JAKMIP3: variants seen among roughly 807,000 people sequenced by gnomAD.
JAKMIP3 encodes janus kinase and microtubule-interacting protein 3.
In JAKMIP3, 58 loss-of-function variants were observed where a neutral mutation model predicts 118.5. The observed-to-expected ratio is 0.49, with a 90% CI of 0.40 to 0.61. The LOEUF (loss-of-function observed/expected upper bound fraction) is 0.61. Among genes scored for constraint, JAKMIP3 ranks in the 20% least tolerant of loss-of-function variants. JAKMIP3 has a pLI of 0.00. For synonymous variants in JAKMIP3, 486 were observed against 451.2 expected, an observed-to-expected ratio of 1.08 and a Z score of -0.98; for missense variants, 950 against 1,109.0, an observed-to-expected ratio of 0.86 and a Z score of 2.04.
At chr10:132,133,924 G>A (rs1337218246) in intron 4 of JAKMIP3, among the ~76,000 whole-genome samples, 1 of 152,236 alleles carries the variant, frequency 6.6e-6, no homozygotes, top group Non-Finnish European at 1.5e-5. Flanking sequence ...GGCCCGGGAA[G>A]GCTGGTGCAC....
chr10:132,099,434 T>C (rs560946115), intron 1 of JAKMIP3, among the ~76,000 whole-genome samples: 1 of 152,290 alleles, frequency 6.6e-6, no homozygotes, highest in South Asian at 2.1e-4. Flanking sequence ...AAATAAAAGA[T>C]AGGCAATCTG....
At chr10:132,104,607 A>T in intron 1 of JAKMIP3, 65 bp from the exon 2 acceptor site, 4 of 595,326 alleles carry the variant, frequency 6.7e-6, no homozygotes, top group Non-Finnish European at 1.2e-5. Context: ...CCGGCACACA[A>T]GCCCCTGAGC....
chr10:132,175,708 C>A (rs2136998460), intron 23 of JAKMIP3, among the ~76,000 whole-genome samples: 1 of 152,316 alleles, frequency 6.6e-6, no homozygotes, highest in South Asian at 2.1e-4. Flanking sequence ...CGCCTCCATG[C>A]TGCTGCTGGA....
chr10:132,082,573 G>A (rs983744700), intron 1 of JAKMIP3, among the ~76,000 whole-genome samples: 2 of 151,906 alleles, frequency 1.3e-5, no homozygotes, highest in African/African-American at 2.4e-5. Flanking sequence ...CCTTTTTATG[G>A]CTGAGTAGTA....
chr10:132,062,547 C>T (rs999008879), upstream of JAKMIP3, among the ~76,000 whole-genome samples: 3 of 152,236 alleles, frequency 2.0e-5, no homozygotes, highest in South Asian at 2.1e-4. Context: ...AAGATCTACA[C>T]GCACCAGTGC....
At chr10:132,139,796 G>A (rs1206711101) in intron 9 of JAKMIP3, among the ~76,000 whole-genome samples, 1 of 152,164 alleles carries the variant, frequency 6.6e-6, no homozygotes, top group Non-Finnish European at 1.5e-5. Context: ...AGTTTTGCTG[G>A]AAGGTTCTGG....
At chr10:132,097,398 G>C (rs1312722602) in intron 1 of JAKMIP3, among the ~76,000 whole-genome samples, 1 of 152,116 alleles carries the variant, frequency 6.6e-6, no homozygotes, top group South Asian at 2.1e-4. Flanking sequence ...GTTGAGCTGT[G>C]GGTGCCCATG....
intron 13 of JAKMIP3, among the ~76,000 whole-genome samples, chr10:132,147,645 T>G (rs1320273086): frequency 2.6e-5 from 4 of 152,172 alleles, no homozygotes; most frequent in Middle Eastern, 3.4e-3. Flanking sequence ...CGTTTATCCT[T>G]GACGGCCTCC....
chr10:132,137,378 AC>A, intron 8 of JAKMIP3, 89 bp downstream of exon 8: 1 of 1,526,650 alleles, frequency 6.6e-7, no homozygotes, highest in Non-Finnish European at 9.0e-7. Context: ...CTCCTCACAG[AC>A]CAGACAGAAG....
intron 21 of JAKMIP3, among the ~76,000 whole-genome samples, chr10:132,165,818 G>T (rs1401897276): frequency 6.6e-6 from 1 of 152,218 alleles, no homozygotes; most frequent in African/African-American, 2.4e-5. Context: ...TCATCCTGAG[G>T]AACGAGTTAC....
At position 132,133,422 on chromosome 10, in the gene JAKMIP3, G is replaced by T. The variant is rs763639941; in HGVS notation, c.744G>T (p.Glu248Asp). 3.1e-6 allele frequency: 5 copies of T among 1,594,290 alleles called. No homozygotes were observed. The highest frequency in any genetic ancestry group is 4.3e-6 in the Non-Finnish European group (5 of 1,170,832). Residue 248 changes from glutamate (E) to aspartate (D), a missense_variant, in exon 4 of 24, where the codon GAG becomes GAT. Transcript: ENST00000684848. ...RLQLQKEALDEQLSQVREADR... is the reference protein window; with the variant it reads ...RLQLQKEALDDQLSQVREADR... ...AGCTCCAAAAAGAGGCTCTAGATGA[G>T]CAGCTGTCCCAGGTCCGAGAGGCCG... is the stretch of plus-strand genomic sequence containing the variant.
rs117391524 is a variant in JAKMIP3, at chr10:132,149,995, C to T, written c.1961C>T (p.Ala654Val). 0.078 allele frequency: 122,265 copies of T among 1,566,452 alleles called. 5,389 individuals carry two copies. The highest frequency in any genetic ancestry group is 0.12 in the Middle Eastern group (698 of 5,958). Residue 654 changes from alanine to valine, a missense_variant, in exon 16 of 24, where the codon GCG (alanine) becomes GTG (valine). Transcript: ENST00000684848. Reference protein sequence around the residue: ...EAEGVTDIVVAELMKKLDILG... With the variant: ...EAEGVTDIVVVELMKKLDILG... ...TCTGTGCCTTAGGACATTGTGGTTG[C>T]GGAGCTGATGAAGAAGCTGGACATC... is the stretch of plus-strand genomic sequence containing the variant.
At chr10:132,063,523 A>G (rs2038480165), upstream of JAKMIP3, among the ~76,000 whole-genome samples, 1 of 152,218 alleles carries the variant, frequency 6.6e-6, no homozygotes, top group Admixed American at 6.5e-5. Context: ...AACTAGAAAA[A>G]TGGATGCTAT....
Position 132,168,365 on chromosome 10 carries a change from T to C in JAKMIP3, c.*435T>C, listed in dbSNP as rs757095530. On this transcript the variant is annotated 3_prime_UTR_variant, in exon 23 of 24. Coordinates refer to ENST00000684848, the MANE Select transcript of JAKMIP3 (RefSeq NM_001323087.2). ...GCTGCCACTGGTGTCTGGAGGAAGA[T>C]TTTCAGAAACAACAGAGGCTTGGCC... is the stretch of plus-strand genomic sequence containing the variant. 1.6e-6 allele frequency: 2 copies of C among 1,289,462 alleles called. No homozygotes were observed. The highest frequency in any genetic ancestry group is 2.5e-5 in the South Asian group (2 of 81,024). 79.9% of individuals were successfully genotyped at this position (1,289,462 alleles called of 1,614,324 possible). A position where few individuals can be genotyped will look rare whatever the true frequency, so the allele number is the denominator to read the frequency against.
At chr10:132,142,154 C>CCCT in intron 11 of JAKMIP3, 106 bp downstream of exon 11, 2 of 1,233,272 alleles carry the variant, frequency 1.6e-6, no homozygotes, top group Non-Finnish European at 2.2e-6. Context: ...GGGCCCGGGC[C>CCCT]CCTCCTCTCC....
At chr10:132,111,415 TAG>T (rs2046855998) in intron 2 of JAKMIP3, among the ~76,000 whole-genome samples, 1 of 151,836 alleles carries the variant, frequency 6.6e-6, no homozygotes, top group Admixed American at 6.6e-5. Flanking sequence ...AGAGCCCAGG[TAG>T]ACATGGGGTG....
intron 2 of JAKMIP3, among the ~76,000 whole-genome samples, chr10:132,107,747 A>G (rs887922427): frequency 6.6e-6 from 1 of 152,144 alleles, no homozygotes; most frequent in Non-Finnish European, 1.5e-5. Context: ...CGTCCATGTT[A>G]TTCACATGCC....
At chr10:132,037,423 G>A (rs934780385) in intron 1 of JAKMIP3, among the ~76,000 whole-genome samples, 2 of 152,108 alleles carry the variant, frequency 1.3e-5, no homozygotes, top group African/African-American at 4.8e-5. Flanking sequence ...GTGGTGACGC[G>A]CAGACCTGGG....
intron 1 of JAKMIP3, among the ~76,000 whole-genome samples, chr10:132,054,754 C>A (rs1205239381): frequency 6.6e-6 from 1 of 152,222 alleles, no homozygotes; most frequent in African/African-American, 2.4e-5. Flanking sequence ...GCACCACGGA[C>A]AGCACCGAAG....
Sources: allele counts gnomAD v4.1 joint callset (sites outside exome capture counted in the v4.1 genomes callset), GRCh38; gene constraint gnomAD v4.1.1; transcripts MANE v1.5; gene names NCBI Gene and HGNC (gene_info 2026-07-23, HGNC 2026-07-21).